Variants in CYFIP1 observed in about 807,000 individuals in gnomAD.
The protein encoded by CYFIP1 is cytoplasmic FMR1-interacting protein 1.
Under a neutral mutation model 163.5 loss-of-function variants are expected in CYFIP1, and 58 were observed. The ratio of observed to expected loss-of-function variants is 0.35; its 90% confidence interval spans 0.29 to 0.44. The LOEUF (loss-of-function observed/expected upper bound fraction) is 0.44. CYFIP1 is among the 20% of genes least tolerant of loss of function. The probability of loss-of-function intolerance (pLI) is 1.00; values close to 1 mark genes in which losing one functional copy is unlikely to be tolerated. For synonymous variants in CYFIP1, 663 were observed against 660.7 expected (o/e 1.00, Z -0.05); for missense variants, 1,338 against 1,653.8 (o/e 0.81, Z 3.31).
At chr15:22,964,522 G>C in intron 1 of CYFIP1, among the ~76,000 whole-genome samples, 1 of 152,246 alleles carries the variant, frequency 6.6e-6, no homozygotes, top group African/African-American at 2.4e-5. Flanking sequence ...CCCCAGGCCA[G>C]CAGGGCAGTT....
At chr15:22,918,185 G>GGT (rs2061058405) in intron 14 of CYFIP1, among the ~76,000 whole-genome samples, 1 of 152,218 alleles carries the variant, frequency 6.6e-6, no homozygotes, top group Non-Finnish European at 1.5e-5. Flanking sequence ...TGTTAGCCCA[G>GGT]GGCAGCAGTG....
chr15:22,928,161 G>T, intron 11 of CYFIP1, 133 bp from the exon 12 acceptor site: 1 of 1,098,198 alleles, frequency 9.1e-7, no homozygotes, highest in Non-Finnish European at 1.2e-6. Flanking sequence ...CAAGGCGGGC[G>T]GATCACAAGG....
At position 22,869,764 on chromosome 15, in the gene CYFIP1, C is replaced by G. The variant is rs957448353; in HGVS notation, c.*264G>C. On this transcript the variant is annotated 3_prime_UTR_variant, in exon 31 of 31. Coordinates refer to ENST00000617928, the MANE Select transcript of CYFIP1 (RefSeq NM_014608.6). ...CAGCAGCATTTTATGACACAGCTGC[C>G]AGAACATCCCATAGAAAAACAATTT... The G allele has an allele frequency of 6.5e-6, 2 of 306,688 alleles. No homozygotes were observed. The highest frequency in any genetic ancestry group is 1.0e-4 in the South Asian group (1 of 9,928). 19.0% of individuals were successfully genotyped at this position (306,688 alleles called of 1,614,324 possible).
chr15:22,928,011 G>A lies in CYFIP1; in HGVS notation c.1128C>T (p.Gly376=), dbSNP rs1469066675. Residue 376 remains glycine, a synonymous_variant, in exon 12 of 31, where the codon GGC becomes GGT. Coordinates refer to ENST00000617928, the MANE Select transcript of CYFIP1 (RefSeq NM_014608.6). The part of the protein sequence containing the change: ...YSNSEVVTGS[G]RQEAQKTDAE... ...CGTCCGTCTTCTGGGCCTCCTGGCG[G>A]CCCGAGCCCGTGACCACCTGCACAA... 5.1e-6 allele frequency: 8 copies of A among 1,570,584 alleles called. No homozygotes were observed. Among genetic ancestry groups the A allele is most frequent in the Non-Finnish European group, 6.9e-6 (8 of 1,162,350 alleles).
At chr15:22,894,884 T>A (rs1319101265) in intron 22 of CYFIP1, among the ~76,000 whole-genome samples, 19 of 146,842 alleles carry the variant, frequency 1.3e-4, no homozygotes, top group African/African-American at 4.4e-4. Context: ...TATATTTTTT[T>A]TTTTTTTGTC....
rs1463470047 is a variant in CYFIP1, at chr15:22,910,893, G to A, written c.2083-80C>T. 3.5e-5 allele frequency: 43 copies of A among 1,239,502 alleles called. No homozygotes were observed. In the South Asian group the frequency reaches 3.9e-4, roughly 11 times the overall value. 76.8% of individuals were successfully genotyped at this position (1,239,502 alleles called of 1,614,324 possible). ...AACAAGGTGAAAAACAAAATGTTTC[G>A]TTAAGGCAACTAACTGAGGCTCTTT... is the stretch of plus-strand genomic sequence containing the variant. On this transcript the variant is annotated intron_variant, in intron 18 of 30. Coordinates refer to ENST00000617928, the MANE Select transcript of CYFIP1 (RefSeq NM_014608.6).
chr15:22,926,481 G>C (rs2061361505), intron 12 of CYFIP1, among the ~76,000 whole-genome samples: 1 of 152,134 alleles, frequency 6.6e-6, no homozygotes, highest in African/African-American at 2.4e-5. Flanking sequence ...AGATCAGCCT[G>C]AGCAATATAG....
chr15:22,934,149 A>T (rs554860895), intron 9 of CYFIP1, among the ~76,000 whole-genome samples: 15 of 42,126 alleles, frequency 3.6e-4, no homozygotes, highest in African/African-American at 1.0e-3. Context: ...CCACAGTCAT[A>T]AAAAAAAAAA....
intron 22 of CYFIP1, among the ~76,000 whole-genome samples, chr15:22,897,730 T>C (rs917961250): frequency 6.6e-6 from 1 of 152,138 alleles, no homozygotes; most frequent in Non-Finnish European, 1.5e-5. Flanking sequence ...GTGATTTGCC[T>C]GTCTTGGCCT....
chr15:22,929,278 C>T (rs1378741392), intron 11 of CYFIP1, among the ~76,000 whole-genome samples: 1 of 150,592 alleles, frequency 6.6e-6, no homozygotes, highest in African/African-American at 2.4e-5. Context: ...AAATCACCTG[C>T]AAAACAAATC....
At chr15:22,926,969 G>A (rs1217426402) in intron 12 of CYFIP1, among the ~76,000 whole-genome samples, 1 of 152,160 alleles carries the variant, frequency 6.6e-6, no homozygotes, top group Non-Finnish European at 1.5e-5. Flanking sequence ...ATTATCACAT[G>A]TATCCTGAAA....
At position 22,923,353 on chromosome 15, in the gene CYFIP1, T is replaced by A. The variant is rs538741440; in HGVS notation, c.1359+2629A>T. On this transcript the variant is annotated intron_variant, in intron 13 of 30. Transcript: ENST00000617928. ...TGCACACAAATGGCCAACAAGCACA[T>A]AAGAAGACGTTTAACATCCTTAGTT... Among the ~76,000 whole-genome samples, 173 of 152,226 alleles carry A rather than the reference T, an allele frequency of 1.1e-3. 4 individuals are homozygous for A. Among genetic ancestry groups the A allele is most frequent in the South Asian group, 9.3e-3 (45 of 4,824 alleles).
chr15:22,917,642 G>A lies in CYFIP1; in HGVS notation c.1674+146C>T. 2.0e-6 allele frequency: 2 copies of A among 978,776 alleles called. No homozygotes were observed. Among genetic ancestry groups the A allele is most frequent in the Non-Finnish European group, 1.4e-6 (1 of 691,850 alleles). The allele number at this position is 978,776 out of a possible 1,614,324, so 60.6% of individuals were successfully genotyped here. A position where few individuals can be genotyped will look rare whatever the true frequency, so the allele number is the denominator to read the frequency against. On this transcript the variant is annotated intron_variant, in intron 15 of 30. Transcript: ENST00000617928. This position sits in a 1 kb window ranked among gnomAD's most constrained non-coding sequence, Gnocchi z 4.2. The stretch of plus-strand genomic sequence containing the variant: ...ACTCACTTGGGTGGGAAACAGAGGA[G>A]CAGCAGAAACCACAGGCGCCACTTT...
intron 1 of CYFIP1, 89 bp from the exon 2 acceptor site, chr15:22,947,380 C>A: frequency 6.5e-7 from 1 of 1,538,838 alleles, no homozygotes; most frequent in Non-Finnish European, 8.8e-7. Flanking sequence ...GCCTCTAACC[C>A]CTTCCCGCTC....
Position 22,917,261 on chromosome 15 carries a change from GAGA to G in CYFIP1, c.1674+524_1674+526del. 7.2e-7 allele frequency: 1 copy of G among 1,390,996 alleles called. No homozygotes were observed. The highest frequency in any genetic ancestry group is 9.3e-7 in the Non-Finnish European group (1 of 1,079,318). 86.2% of individuals were successfully genotyped at this position (1,390,996 alleles called of 1,614,324 possible). On this transcript the variant is annotated intron_variant, in intron 15 of 30. Coordinates refer to ENST00000617928, the MANE Select transcript of CYFIP1 (RefSeq NM_014608.6). The surrounding 1 kb of genome is among the most constrained non-coding windows in gnomAD (Gnocchi z 4.2). ...TTAAAAGCCTCCGGCAGAGATGAGG[GAGA>G]AGACCAGCCCCAGGACGGAGGACAG...
At position 22,869,999 on chromosome 15, in the gene CYFIP1, T is replaced by C; in HGVS notation, c.*29A>G. On this transcript the variant is annotated 3_prime_UTR_variant, in exon 31 of 31. Transcript: ENST00000617928. ...AGTTTACGGAGAGAAAGGCATGCCA[T>C]GTTGAGTTACGGAGTGCAGCGCGTG... 2 of 1,540,968 alleles carry C rather than the reference T, an allele frequency of 1.3e-6. No individual in the cohort carries two copies. Among genetic ancestry groups the C allele is most frequent in the Non-Finnish European group, 1.7e-6 (2 of 1,148,998 alleles).
rs1026284040 is a variant in CYFIP1 at position 22,967,000 on chromosome 15, C to CT, written c.-7+13286dup. On this transcript the variant is annotated intron_variant, in intron 1 of 30. Transcript: ENST00000617928. ...CCGCAGTTCCCAAAATCACCTCTGC[C>CT]TTTTTTTTTTTCTGCAGGGGAGCCA... 4.8e-3 allele frequency among the ~76,000 whole-genome samples: 707 copies of CT among 146,146 alleles called. 5 individuals carry two copies. Among genetic ancestry groups the CT allele is most frequent in the Middle Eastern group, 0.022 (6 of 276 alleles).
chr15:22,921,784 A>AAGAC lies in CYFIP1; in HGVS notation c.1360-2927_1360-2926insGTCT, dbSNP rs61007988. ...TGTCTCAAAAAAAAAAAAAAAAAAAAAGAAGCACGAGTTACCAGCATTAAG... is the reference window on the plus strand; with the variant it reads ...TGTCTCAAAAAAAAAAAAAAAAAAAAAGACAGAAGCACGAGTTACCAGCATTAAG... On this transcript the variant is annotated intron_variant, in intron 13 of 30. Coordinates refer to ENST00000617928, the MANE Select transcript of CYFIP1 (RefSeq NM_014608.6). 5.9e-3 allele frequency among the ~76,000 whole-genome samples: 844 copies of AAGAC among 142,170 alleles called. 25 individuals are homozygous for AAGAC. The highest frequency in any genetic ancestry group is 0.014 in the African/African-American group (544 of 38,336). The allele number at this position is 142,170 out of a possible 152,430, so 93.3% of individuals were successfully genotyped here.
intron 1 of CYFIP1, among the ~76,000 whole-genome samples, chr15:22,964,695 G>A (rs937922787): frequency 1.3e-5 from 2 of 152,176 alleles, no homozygotes; most frequent in African/African-American, 2.4e-5. Context: ...CTTGCACTTC[G>A]TGAAGCCTTG....
Sources: gnomAD v4.1 joint callset for allele counts (sites outside exome capture counted in the v4.1 genomes callset) on GRCh38, gnomAD v4.1.1 for gene constraint, Gnocchi (gnomAD v3.1) non-coding constraint, MANE v1.5 for transcripts, NCBI Gene and HGNC (gene_info 2026-07-23, HGNC 2026-07-21) for gene names.